FGGY: variants seen among roughly 807,000 people sequenced by gnomAD.
FGGY encodes the protein FGGY carbohydrate kinase domain containing, also known as FGGY carbohydrate kinase domain-containing protein.
In FGGY, 72 loss-of-function variants were observed where a neutral mutation model predicts 71.3. That is an observed-to-expected ratio of 1.01 (90% confidence interval 0.84 to 1.23). The LOEUF (loss-of-function observed/expected upper bound fraction) is 1.23, where lower values mean the gene tolerates loss of function less well. Among genes scored for constraint, FGGY ranks in the 50% most tolerant of loss-of-function variants. FGGY has a pLI of 0.00. For missense variants in FGGY, 668 were observed against 682.3 expected, an observed-to-expected ratio of 0.98 and a Z score of 0.23; for synonymous variants, 251 against 250.3, an observed-to-expected ratio of 1.00 and a Z score of -0.02.
At chr1:59,541,119 T>C (rs1349729287) in intron 7 of FGGY, among the ~76,000 whole-genome samples, 2 of 152,160 alleles carry the variant, frequency 1.3e-5, no homozygotes, top group Non-Finnish European at 2.9e-5. Context: ...ATGTATTAGA[T>C]AGAATTGCAA....
chr1:59,562,939 T>G (rs2153721700), intron 8 of FGGY, among the ~76,000 whole-genome samples: 1 of 152,344 alleles, frequency 6.6e-6, no homozygotes, highest in East Asian at 1.9e-4. Context: ...AGAAAAAAGA[T>G]CGATTTTGTA....
chr1:59,416,102 A>T (rs1034342352), intron 5 of FGGY, among the ~76,000 whole-genome samples: 2 of 152,228 alleles, frequency 1.3e-5, no homozygotes, highest in African/African-American at 4.8e-5. Context: ...GGAGAAGAGA[A>T]TGAATCAGTT....
At chr1:59,593,034 A>G (rs10493267) in intron 8 of FGGY, among the ~76,000 whole-genome samples, 16,215 of 151,938 alleles carry the variant, frequency 0.11, 1,024 homozygotes, top group South Asian at 0.3. Flanking sequence ...ATGGGGTAAA[A>G]TAGAAGAAAC....
chr1:59,589,102 A>T (rs986152956), intron 8 of FGGY, among the ~76,000 whole-genome samples: 3 of 152,208 alleles, frequency 2.0e-5, no homozygotes, highest in African/African-American at 7.2e-5. Context: ...AAGATCTCCC[A>T]TGCAAATGGA....
intron 7 of FGGY, among the ~76,000 whole-genome samples, chr1:59,549,080 A>G (rs1240227347): frequency 4.6e-5 from 7 of 152,206 alleles, no homozygotes; most frequent in Non-Finnish European, 1.0e-4. Flanking sequence ...GTCTGCGTGT[A>G]TGTAGTCTGG....
In FGGY at chr1:59,607,832, C is replaced by A. The variant is rs1161182007; in HGVS notation, c.933C>A (p.Gly311=). ...GCAAAGACCCGATTTTTGTACCAGGCGTCTGGGGGCCTTATTTCTCAGCCA... is the reference window on the plus strand; with the variant it reads ...GCAAAGACCCGATTTTTGTACCAGGAGTCTGGGGGCCTTATTTCTCAGCCA... ...GISKDPIFVP[G]VWGPYFSAMV... Residue 311 remains glycine, a synonymous_variant, in exon 9 of 16, where the codon GGC becomes GGA. Coordinates refer to ENST00000303721, the MANE Select transcript of FGGY (RefSeq NM_018291.5). 2 of 1,613,828 alleles carry A rather than the reference C, an allele frequency of 1.2e-6. No homozygotes were observed. Among genetic ancestry groups the A allele is most frequent in the South Asian group, 1.1e-5 (1 of 91,034 alleles).
chr1:59,377,966 G>T (rs777107013), intron 4 of FGGY, among the ~76,000 whole-genome samples: 6 of 152,172 alleles, frequency 3.9e-5, no homozygotes, highest in Non-Finnish European at 8.8e-5. Flanking sequence ...TGAGGGCAGG[G>T]ACTATCATCT....
chr1:59,432,957 C>A (rs1397549272), intron 5 of FGGY, among the ~76,000 whole-genome samples: 1 of 152,210 alleles, frequency 6.6e-6, no homozygotes. Context: ...TCCAGTCACA[C>A]TAAATGCCAG....
At position 59,663,513 on chromosome 1, in the gene FGGY, AG is replaced by A. The variant is rs755272188; in HGVS notation, c.1296+3224del. The stretch of plus-strand genomic sequence containing the variant: ...AGGTTAAACTTAATGCGGGCAGGAG[AG>A]GGGAAGAAAAAAAGCCAGCTACATT... On this transcript the variant is annotated intron_variant, in intron 12 of 15. Transcript: ENST00000303721. Among the ~76,000 whole-genome samples, 13 of 152,298 alleles carry A rather than the reference AG, an allele frequency of 8.5e-5. No individual in the cohort carries two copies. In the South Asian group the frequency reaches 2.3e-3, roughly 27 times the overall value.
At chr1:59,369,132 A>G (rs559841623) in intron 4 of FGGY, among the ~76,000 whole-genome samples, 87 of 152,344 alleles carry the variant, frequency 5.7e-4, no homozygotes, top group African/African-American at 1.8e-3. Flanking sequence ...CGGAAAGCGC[A>G]AGGGGTCAGG....
At chr1:59,735,106 G>T (rs1286737829) in intron 14 of FGGY, among the ~76,000 whole-genome samples, 1 of 152,120 alleles carries the variant, frequency 6.6e-6, no homozygotes, top group African/African-American at 2.4e-5. Context: ...TGGGGCAGGG[G>T]TAGAGAGAGG....
chr1:59,709,372 C>T (rs1000677103), intron 14 of FGGY, among the ~76,000 whole-genome samples: 1 of 152,082 alleles, frequency 6.6e-6, no homozygotes, highest in African/African-American at 2.4e-5. Context: ...AAACCACCCC[C>T]ATAATCCAAT....
chr1:59,754,534 G>A (rs1329667942), intron 14 of FGGY, among the ~76,000 whole-genome samples: 1 of 152,108 alleles, frequency 6.6e-6, no homozygotes, highest in Admixed American at 6.6e-5. Flanking sequence ...AGCAATTCTT[G>A]TGCCTCACCC....
chr1:59,411,684 G>C (rs1443581476), intron 5 of FGGY, among the ~76,000 whole-genome samples: 1 of 152,082 alleles, frequency 6.6e-6, no homozygotes, highest in African/African-American at 2.4e-5. Flanking sequence ...TTGTTTATTT[G>C]TATCAGTATG....
intron 2 of FGGY, among the ~76,000 whole-genome samples, chr1:59,336,814 G>T (rs1097239): frequency 0.43 from 64,691 of 151,528 alleles, 14,665 homozygotes; most frequent in African/African-American, 0.58. Flanking sequence ...ATTACCATCT[G>T]AACAATGTTG....
At chr1:59,635,568 C>A (rs1343480027) in intron 10 of FGGY, among the ~76,000 whole-genome samples, 3 of 151,060 alleles carry the variant, frequency 2.0e-5, no homozygotes, top group Non-Finnish European at 4.4e-5. Context: ...AAAAAAAAAT[C>A]CCTTTACTTT....
intron 7 of FGGY, among the ~76,000 whole-genome samples, chr1:59,534,975 A>G (rs1021846760): frequency 2.0e-5 from 3 of 151,970 alleles, no homozygotes; most frequent in Non-Finnish European, 3.0e-5. Context: ...AAATTCACAC[A>G]TAACAATATT....
intron 8 of FGGY, among the ~76,000 whole-genome samples, chr1:59,590,203 TCCTCGACACATACAC>T (rs2096402416): frequency 6.6e-6 from 1 of 152,102 alleles, no homozygotes; most frequent in South Asian, 2.1e-4. Context: ...ATGGATAAAT[TCCTCGACACATACAC>T]CCTCCCAAGC....
chr1:59,413,391 A>G (rs78922992), intron 5 of FGGY, among the ~76,000 whole-genome samples: 2 of 152,294 alleles, frequency 1.3e-5, no homozygotes, highest in African/African-American at 4.8e-5. Flanking sequence ...CATGGGAGAA[A>G]GAGGAAAAAT....
Sources: allele counts gnomAD v4.1 joint callset (sites outside exome capture counted in the v4.1 genomes callset), GRCh38; gene constraint gnomAD v4.1.1; transcripts MANE v1.5; gene names NCBI Gene and HGNC (gene_info 2026-07-23, HGNC 2026-07-21).